Variants in ZNF324B observed in about 807,000 individuals in gnomAD.
ZNF324B encodes the protein zinc finger protein 324B.
In ZNF324B, 7 loss-of-function variants were observed where a neutral mutation model predicts 10.6. That is an observed-to-expected ratio of 0.66 (90% CI 0.38 to 1.24). The LOEUF (loss-of-function observed/expected upper bound fraction) is 1.24. ZNF324B is among the 50% of genes most tolerant of loss of function. The pLI is 0.02. For synonymous variants in ZNF324B, 316 were observed against 321.0 expected (o/e 0.98, Z 0.17); for missense variants, 640 against 764.7 (o/e 0.84, Z 1.92).
the ZNF324B span, among the ~76,000 whole-genome samples, chr19:58,439,402 C>G: frequency 6.6e-6 from 1 of 152,178 alleles, no homozygotes; most frequent in African/African-American, 2.4e-5. Context: ...GCTGCCATTC[C>G]AGGCCTAACT....
the ZNF324B span, chr19:58,443,295 C>T: frequency 6.6e-6 from 1 of 152,242 alleles, no homozygotes; most frequent in Admixed American, 6.5e-5. Context: ...TAGCTAGACA[C>T]AGAGCGCTGA....
At chr19:58,432,452 C>T in the ZNF324B span, 2 of 381,698 alleles carry the variant, frequency 5.2e-6, no homozygotes, top group South Asian at 2.0e-5. Context: ...CACCAGTCTA[C>T]CCAAATCCCT....
chr19:58,435,404 A>T, the ZNF324B span: 1 of 616,920 alleles, frequency 1.6e-6, no homozygotes, highest in Non-Finnish European at 2.8e-6. Flanking sequence ...GCAACAGAAT[A>T]AGGGAGACCT....
In ZNF324B at chr19:58,455,026, T is replaced by C; in HGVS notation, c.239-157T>C. ...CACACCTGTCAGGGCAGATGCTTCC[T>C]CCAAACCCCAGCCCCTCCTGCAGAG... On this transcript the variant is annotated intron_variant, in intron 3 of 3. Coordinates refer to ENST00000336614, the MANE Select transcript of ZNF324B (RefSeq NM_207395.3). This position sits in a 1 kb window ranked among gnomAD's most constrained non-coding sequence, Gnocchi z 7.0. 1 of 1,026,720 alleles carries C rather than the reference T, an allele frequency of 9.7e-7. No individual in the cohort carries two copies. Among genetic ancestry groups the C allele is most frequent in the Non-Finnish European group, 1.5e-6 (1 of 668,976 alleles). 63.6% of individuals were successfully genotyped at this position (1,026,720 alleles called of 1,614,324 possible). A position where few individuals can be genotyped will look rare whatever the true frequency, so the allele number is the denominator to read the frequency against.
At chr19:58,434,582 C>T in the ZNF324B span, 1 of 1,614,058 alleles carries the variant, frequency 6.2e-7, no homozygotes, top group Middle Eastern at 1.6e-4. Context: ...TGGGGTATTT[C>T]CCCAGTGTGA....
Position 58,456,763 on chromosome 19 carries a change from G to A in ZNF324B, c.*184G>A. 2 of 682,730 alleles carry A rather than the reference G, an allele frequency of 2.9e-6. No homozygotes were observed. The highest frequency in any genetic ancestry group is 4.8e-6 in the Non-Finnish European group (2 of 412,586). 42.3% of individuals were successfully genotyped at this position (682,730 alleles called of 1,614,324 possible). A position where few individuals can be genotyped will look rare whatever the true frequency, so the allele number is the denominator to read the frequency against. The stretch of plus-strand genomic sequence containing the variant: ...GACAGGATTTGCCAGTTTAGTCATA[G>A]CTCACACCTCCATCCTCAAAGAGGT... On this transcript the variant is annotated 3_prime_UTR_variant, in exon 4 of 4. Transcript: ENST00000336614. The surrounding 1 kb of genome is among the most constrained non-coding windows in gnomAD (Gnocchi z 4.7).
chr19:58,456,323 A>G lies in ZNF324B; in HGVS notation c.1379A>G (p.Lys460Arg). 1 of 1,612,764 alleles carries G rather than the reference A, an allele frequency of 6.2e-7. No individual in the cohort carries two copies. Among genetic ancestry groups the G allele is most frequent in the South Asian group, 1.1e-5 (1 of 91,046 alleles). ...CCCTTCCGCTGCGTGGACTGTGGCA[A>G]GGGTTTCGCCAAGGGCGCCGTGCTG... ...ERPFRCVDCG[K>R]GFAKGAVLLS... Residue 460 changes from lysine (K) to arginine (R), a missense_variant, in exon 4 of 4, where the codon AAG becomes AGG. By Grantham distance (26) the Lys-to-Arg change is conservative. Transcript: ENST00000336614. This position sits in a 1 kb window ranked among gnomAD's most constrained non-coding sequence, Gnocchi z 4.7.
upstream of ZNF324B, among the ~76,000 whole-genome samples, chr19:58,450,489 A>C (rs1453969005): frequency 5.9e-5 from 9 of 152,226 alleles, no homozygotes; most frequent in African/African-American, 1.7e-4. Flanking sequence ...AAAAGTAAAA[A>C]AAAATTGCTT....
the ZNF324B span, chr19:58,434,039 T>C: frequency 2.5e-6 from 4 of 1,614,204 alleles, no homozygotes; most frequent in East Asian, 2.2e-5. Flanking sequence ...GAGCTTTGGC[T>C]GAAGTCTCTT....
chr19:58,453,531 G>A (rs2052882537), intron 1 of ZNF324B, among the ~76,000 whole-genome samples, 165 bp from the exon 2 acceptor site: 1 of 152,148 alleles, frequency 6.6e-6, no homozygotes, highest in Admixed American at 6.5e-5. Context: ...AGGGCAGAGG[G>A]GAGGGGTCCC....
chr19:58,446,912 T>TCTTTC (rs368546032), upstream of ZNF324B, among the ~76,000 whole-genome samples: 7 of 151,664 alleles, frequency 4.6e-5, no homozygotes, highest in Non-Finnish European at 7.4e-5. Flanking sequence ...TTTCTTTTCT[T>TCTTTC]CTTTCCTTTC....
upstream of ZNF324B, among the ~76,000 whole-genome samples, chr19:58,448,042 A>G (rs2052835572): frequency 6.6e-6 from 1 of 152,166 alleles, no homozygotes; most frequent in Admixed American, 6.5e-5. Context: ...TTCATAAATT[A>G]CCCAGTCTCA....
the ZNF324B span, chr19:58,430,713 A>G: frequency 6.6e-6 from 1 of 152,130 alleles, no homozygotes; most frequent in South Asian, 2.1e-4. Flanking sequence ...ATAAGAATCG[A>G]TTTCTTCTTG....
Position 58,454,297 on chromosome 19 carries a change from G to A in ZNF324B, c.191G>A (p.Gly64Glu), listed in dbSNP as rs756747342. The A allele has an allele frequency of 6.2e-7, 1 of 1,614,154 alleles. No homozygotes were observed. The highest frequency in any genetic ancestry group is 1.7e-5 in the Admixed American group (1 of 60,020). ...ERGEEPWVPS[G>E]KDMTLARNTY... ...GGCGAGGAGCCCTGGGTTCCCAGTG[G>A]AAAGGACATGACCCTGGCCAGGAAC... The change falls in exon 3 of 4, where the codon GGA becomes GAA. Residue 64 changes from glycine (G) to glutamate (E), a missense_variant. Gly to Glu is a moderately conservative substitution (Grantham distance 98). Around this residue, in one of 3 missense-constraint regions of ZNF324B, gnomAD observed 345 missense variants for 387.9 expected, o/e 0.89. Transcript: ENST00000336614.
chr19:58,454,744 G>T (rs776244668), intron 3 of ZNF324B: 2 of 568,964 alleles, frequency 3.5e-6, no homozygotes, highest in Admixed American at 3.0e-5. Flanking sequence ...TGGTGCTAGG[G>T]GAGACGCAGT....
the ZNF324B span, chr19:58,434,388 A>G: frequency 1.2e-6 from 2 of 1,614,246 alleles, no homozygotes; most frequent in Non-Finnish European, 1.7e-6. Context: ...AGGCTTTCCC[A>G]CATTCATCAC....
the ZNF324B span, among the ~76,000 whole-genome samples, chr19:58,425,246 A>G: frequency 6.8e-6 from 1 of 146,984 alleles, no homozygotes; most frequent in South Asian, 2.2e-4. Context: ...ACAGAGCCAG[A>G]CTCCATCTCA....
chr19:58,420,773 TCTC>T, the ZNF324B span, among the ~76,000 whole-genome samples: 4 of 151,620 alleles, frequency 2.6e-5, no homozygotes, highest in African/African-American at 9.7e-5. Flanking sequence ...AGTGGTGTGA[TCTC>T]AGCACACTGC....
chr19:58,422,220 A>T, the ZNF324B span, among the ~76,000 whole-genome samples: 1 of 152,156 alleles, frequency 6.6e-6, no homozygotes. Context: ...CAAATTCAAC[A>T]TCCCGTCATG....
Sources: allele counts gnomAD v4.1 joint callset (sites outside exome capture counted in the v4.1 genomes callset), GRCh38; gene constraint gnomAD v4.1.1; regional missense constraint gnomAD v4.1.1; non-coding constraint Gnocchi (gnomAD v3.1); transcripts MANE v1.5; gene names NCBI Gene and HGNC (gene_info 2026-07-23, HGNC 2026-07-21).